Variants in HS3ST4 observed in about 807,000 individuals in gnomAD.
HS3ST4 encodes the protein heparan sulfate glucosamine 3-O-sulfotransferase 4.
HS3ST4 carries 17 observed loss-of-function variants against 29.2 expected under a neutral mutation model. That is an observed-to-expected ratio of 0.58 (90% CI 0.40 to 0.87). The LOEUF is 0.87. Ranked by LOEUF, HS3ST4 falls within the 40% of genes least tolerant of loss-of-function variation. HS3ST4 has a pLI of 0.00. For missense variants in HS3ST4, 627 were observed against 634.5 expected (o/e 0.99, Z 0.13); for synonymous variants, 314 against 285.7 (o/e 1.10, Z -1.00).
chr16:26,104,829 G>T (rs1400108423), intron 1 of HS3ST4, among the ~76,000 whole-genome samples: 1 of 152,028 alleles, frequency 6.6e-6, no homozygotes, highest in African/African-American at 2.4e-5. Context: ...TTTGCTTAAG[G>T]CAGGAACCTT....
At chr16:25,965,508 T>C (rs1968834556) in intron 1 of HS3ST4, among the ~76,000 whole-genome samples, 1 of 152,176 alleles carries the variant, frequency 6.6e-6, no homozygotes, top group South Asian at 2.1e-4. Context: ...TCTCAATGTT[T>C]GGTATTTTGT....
chr16:25,857,329 A>C (rs1967583170), intron 1 of HS3ST4, among the ~76,000 whole-genome samples: 1 of 152,106 alleles, frequency 6.6e-6, no homozygotes, highest in Non-Finnish European at 1.5e-5. Context: ...CAGCTCTCTG[A>C]AGGATCTAAG....
chr16:25,876,786 C>T (rs1442144433), intron 1 of HS3ST4, among the ~76,000 whole-genome samples: 1 of 139,844 alleles, frequency 7.2e-6, no homozygotes, highest in Non-Finnish European at 1.6e-5. Context: ...GCCTGGAGAA[C>T]TCTACTCATT....
chr16:26,006,199 T>A (rs1969256354), intron 1 of HS3ST4, among the ~76,000 whole-genome samples: 2 of 146,628 alleles, frequency 1.4e-5, no homozygotes, highest in Admixed American at 1.4e-4. Context: ...CTTGGGAGGC[T>A]GAGGCAGGAG....
intron 1 of HS3ST4, among the ~76,000 whole-genome samples, chr16:25,989,987 A>G (rs927400079): frequency 6.6e-6 from 1 of 152,162 alleles, no homozygotes; most frequent in Non-Finnish European, 1.5e-5. Context: ...TTGTTTCCAT[A>G]GTTTTACCTT....
At chr16:25,924,448 T>G (rs539682257) in intron 1 of HS3ST4, among the ~76,000 whole-genome samples, 1 of 152,232 alleles carries the variant, frequency 6.6e-6, no homozygotes, top group African/African-American at 2.4e-5. Flanking sequence ...ACTGAAGTTA[T>G]AGCTGTGCTA....
intron 1 of HS3ST4, among the ~76,000 whole-genome samples, chr16:25,859,589 C>T (rs1451568810): frequency 3.9e-5 from 6 of 152,100 alleles, no homozygotes; most frequent in Admixed American, 2.6e-4. Flanking sequence ...CATGGCTGCC[C>T]GTAGTATTTT....
intron 1 of HS3ST4, among the ~76,000 whole-genome samples, chr16:26,057,033 GA>G (rs1837969791): frequency 6.6e-6 from 1 of 152,144 alleles, no homozygotes; most frequent in Non-Finnish European, 1.5e-5. Flanking sequence ...CCCCAGATCT[GA>G]AACTCTGAGT....
chr16:25,840,005 T>A (rs895037107), intron 1 of HS3ST4, among the ~76,000 whole-genome samples: 9 of 152,158 alleles, frequency 5.9e-5, no homozygotes, highest in Non-Finnish European at 7.3e-5. Flanking sequence ...TAGAAGACAG[T>A]GGTTAAGTCC....
At position 26,008,235 on chromosome 16, in the gene HS3ST4, G is replaced by A. The variant is rs182412773; in HGVS notation, c.735-127377G>A. On this transcript the variant is annotated intron_variant, in intron 1 of 1. Coordinates refer to ENST00000331351, the MANE Select transcript of HS3ST4 (RefSeq NM_006040.3). The stretch of plus-strand genomic sequence containing the variant: ...TGAAAACTTTGAGAAGAAATGACAC[G>A]ACAAAGGAGATCTGGCTAGGAATAA... 3.1e-4 allele frequency among the ~76,000 whole-genome samples: 47 copies of A among 152,294 alleles called. 1 individual carries two copies. In the East Asian group the frequency reaches 8.7e-3, roughly 28 times the overall value.
At chr16:25,880,232 A>T (rs1967880534) in intron 1 of HS3ST4, among the ~76,000 whole-genome samples, 1 of 151,988 alleles carries the variant, frequency 6.6e-6, no homozygotes, top group Non-Finnish European at 1.5e-5. Flanking sequence ...AATTCATGAG[A>T]TATGTTGGAT....
intron 1 of HS3ST4, among the ~76,000 whole-genome samples, chr16:25,866,032 C>T (rs1353723983): frequency 6.6e-6 from 1 of 152,200 alleles, no homozygotes; most frequent in African/African-American, 2.4e-5. Context: ...AGTGAGGAAA[C>T]AACCTTTGGA....
intron 1 of HS3ST4, among the ~76,000 whole-genome samples, chr16:25,890,456 C>T (rs891920292): frequency 1.3e-5 from 2 of 152,198 alleles, no homozygotes; most frequent in African/African-American, 4.8e-5. Flanking sequence ...ATCTTAGCCA[C>T]ACCTACTACA....
intron 1 of HS3ST4, among the ~76,000 whole-genome samples, chr16:25,928,035 C>CAAAAAAA (rs767016845): frequency 3.9e-5 from 2 of 50,918 alleles, no homozygotes; most frequent in African/African-American, 6.9e-5. Flanking sequence ...CCCATCTCGA[C>CAAAAAAA]AAAAAAAAAA....
At chr16:26,046,713 G>GTATA (rs560229651) in intron 1 of HS3ST4, among the ~76,000 whole-genome samples, 68 of 150,264 alleles carry the variant, frequency 4.5e-4, no homozygotes, top group African/African-American at 1.2e-3. Flanking sequence ...GTATATATGT[G>GTATA]TATATATATA....
chr16:25,978,569 T>C (rs149509504), intron 1 of HS3ST4, among the ~76,000 whole-genome samples: 4 of 152,370 alleles, frequency 2.6e-5, no homozygotes, highest in Non-Finnish European at 5.9e-5. Context: ...CCAGTGTGAA[T>C]AGAACACTGT....
intron 1 of HS3ST4, among the ~76,000 whole-genome samples, chr16:25,972,080 T>C (rs1968904184): frequency 6.6e-6 from 1 of 152,178 alleles, no homozygotes; most frequent in Non-Finnish European, 1.5e-5. Context: ...AATGAGGTGG[T>C]AAGAGTGGTT....
chr16:25,718,501 GGA>G (rs35246974), intron 1 of HS3ST4, among the ~76,000 whole-genome samples: 112,359 of 150,946 alleles, frequency 0.74, 42,806 homozygotes, highest in East Asian at 0.87. Flanking sequence ...AGCAGAAATG[GGA>G]GAGAGAGAGA....
In HS3ST4 at chr16:25,852,430, C is replaced by A. The variant is rs574027793; in HGVS notation, c.734+159279C>A. 2.0e-5 allele frequency among the ~76,000 whole-genome samples: 3 copies of A among 152,164 alleles called. No homozygotes were observed. The East Asian group carries it at 5.8e-4, about 29-fold the overall frequency. ...CCTAGGTATTAAGTCCAGCATGTAC[C>A]TGGCCATGCTTTGAGATTTAAATCC... On this transcript the variant is annotated intron_variant, in intron 1 of 1. Transcript: ENST00000331351.
Sources: allele counts gnomAD v4.1 joint callset (sites outside exome capture counted in the v4.1 genomes callset), GRCh38; gene constraint gnomAD v4.1.1; transcripts MANE v1.5; gene names NCBI Gene and HGNC (gene_info 2026-07-23, HGNC 2026-07-21).